Variants in LRTM1 observed in about 807,000 individuals in gnomAD.
The protein encoded by LRTM1 is leucine rich repeat transmembrane protein 1, also known as leucine-rich repeat and transmembrane domain-containing protein 1.
LRTM1 carries 38 observed loss-of-function variants against 32.4 expected under a neutral mutation model. The ratio of observed to expected loss-of-function variants is 1.17; its 90% CI spans 0.91 to 1.54. The LOEUF is 1.54. Among genes scored for constraint, LRTM1 ranks in the 40% most tolerant of loss-of-function variants. The pLI, the probability that LRTM1 is intolerant of heterozygous loss-of-function variation, is 0.00. For synonymous variants in LRTM1, 186 were observed against 169.9 expected, an observed-to-expected ratio of 1.09 and a Z score of -0.74; for missense variants, 466 against 415.4, an observed-to-expected ratio of 1.12 and a Z score of -1.06.
chr3:54,922,013 A>AT (rs1700866488), intron 2 of LRTM1, among the ~76,000 whole-genome samples: 1 of 151,894 alleles, frequency 6.6e-6, no homozygotes, highest in African/African-American at 2.4e-5. Flanking sequence ...ACATATTTGG[A>AT]TTTTTCCTAG....
intron 1 of LRTM1, among the ~76,000 whole-genome samples, chr3:54,934,544 G>A (rs778812983): frequency 6.6e-6 from 1 of 152,330 alleles, no homozygotes; most frequent in Non-Finnish European, 1.5e-5. Context: ...AATTAGTGGA[G>A]TAGTGGGTTT....
chr3:54,956,529 A>C (rs1701898183), intron 1 of LRTM1, among the ~76,000 whole-genome samples: 1 of 152,062 alleles, frequency 6.6e-6, no homozygotes, highest in African/African-American at 2.4e-5. Flanking sequence ...CTCGTTACCA[A>C]CCTAGGATTT....
At position 54,924,743 on chromosome 3, in the gene LRTM1, C is replaced by G. The variant is rs1459011910; in HGVS notation, c.480G>C (p.Gln160His). The G allele has an allele frequency of 6.2e-7, 1 of 1,614,152 alleles. No homozygotes were observed. Among genetic ancestry groups the G allele is most frequent in the Admixed American group, 1.7e-5 (1 of 60,028 alleles). Residue 160 changes from glutamine (Q) to histidine (H), a missense_variant, in exon 2 of 3, where the codon CAG becomes CAC. Gln to His is a conservative substitution (Grantham distance 24, BLOSUM62 0). Coordinates refer to ENST00000273286, the MANE Select transcript of LRTM1 (RefSeq NM_020678.4). ...TGGATTCCAGGAGCGCTCGATCAAG[C>G]TGCTGAAGCTGGTTTTGTTGAACCG... is the stretch of plus-strand genomic sequence containing the variant. ...ILAVQQNQLQQLDRALLESMP... is the reference protein window; with the variant it reads ...ILAVQQNQLQHLDRALLESMP...
At chr3:54,961,544 G>A (rs1042056254) in intron 1 of LRTM1, among the ~76,000 whole-genome samples, 10 of 152,220 alleles carry the variant, frequency 6.6e-5, no homozygotes, top group Non-Finnish European at 2.9e-5. Context: ...GCCAGTGCAA[G>A]TCAGCTCTTG....
chr3:54,957,008 G>A (rs894494939), intron 1 of LRTM1, among the ~76,000 whole-genome samples: 2 of 152,146 alleles, frequency 1.3e-5, no homozygotes, highest in African/African-American at 4.8e-5. Context: ...TATCAAGTTT[G>A]CAGGATGTTA....
chr3:54,939,874 C>A (rs9823586), intron 1 of LRTM1, among the ~76,000 whole-genome samples: 23,605 of 152,210 alleles, frequency 0.16, 2,175 homozygotes, highest in African/African-American at 0.27. Flanking sequence ...GCCATGCTTG[C>A]TTTAGAGCAT....
At chr3:54,961,471 T>G (rs921112048) in intron 1 of LRTM1, among the ~76,000 whole-genome samples, 1 of 152,260 alleles carries the variant, frequency 6.6e-6, no homozygotes, top group Non-Finnish European at 1.5e-5. Context: ...ACTACAATTT[T>G]CTACTATATT....
Position 54,925,178 on chromosome 3 carries a change from G to C in LRTM1, c.45C>G (p.Leu15=), listed in dbSNP as rs1193984844. The change falls in exon 2 of 3, where the codon CTC becomes CTG. Residue 15 remains leucine (L), a synonymous_variant. Transcript: ENST00000273286. ...LLLFSSVIVL[L]QVVCSCPDKC... ...TGTCCGGGCAGCTGCATACCACCTG[G>C]AGCAGGACAATCACACTGGAAAACA... 2 of 1,613,908 alleles carry C rather than the reference G, an allele frequency of 1.2e-6. No individual in the cohort carries two copies. Among genetic ancestry groups the C allele is most frequent in the South Asian group, 2.2e-5 (2 of 91,054 alleles).
In LRTM1 at chr3:54,918,605, T is replaced by TCCCACA. The variant is rs764372613; in HGVS notation, c.886_891dup (p.Cys296_Gly297dup). 6.2e-7 allele frequency: 1 copy of TCCCACA among 1,614,080 alleles called. No homozygotes were observed. The highest frequency in any genetic ancestry group is 1.3e-5 in the African/African-American group (1 of 75,018). On this transcript the variant is annotated inframe_insertion, in exon 3 of 3. Coordinates refer to ENST00000273286, the MANE Select transcript of LRTM1 (RefSeq NM_020678.4). ...GCTGCCAACATCATGAGACACACAA[T>TCCCACA]CCCACACACAACGCCAGTGATGATG... is the stretch of plus-strand genomic sequence containing the variant.
At chr3:54,943,495 TAGTC>T (rs1312981223) in intron 1 of LRTM1, among the ~76,000 whole-genome samples, 1 of 152,228 alleles carries the variant, frequency 6.6e-6, no homozygotes, top group Non-Finnish European at 1.5e-5. Flanking sequence ...CTTGATTAAT[TAGTC>T]AGCGAATATA....
intron 1 of LRTM1, 21 bp from the exon 2 acceptor site, chr3:54,925,236 T>C (rs1225233937): frequency 1.1e-5 from 18 of 1,590,448 alleles, no homozygotes; most frequent in Non-Finnish European, 1.5e-5. Flanking sequence ...CAGAAAGAAA[T>C]TGGGATAGGA....
At position 54,962,727 on chromosome 3, in the gene LRTM1, T is replaced by TC. The variant is rs577363921; in HGVS notation, c.-222+4200dup. Among the ~76,000 whole-genome samples the TC allele has an allele frequency of 2.1e-3, 319 of 152,292 alleles. 1 individual carries two copies. The highest frequency in any genetic ancestry group is 3.8e-3 in the Non-Finnish European group (256 of 68,036). On this transcript the variant is annotated intron_variant, in intron 1 of 2. Coordinates refer to the LRTM1 transcript ENST00000493075. Reference sequence around the variant, plus strand: ...TCACTGATGGTGGCAGGATTGTTTTTCTGCCTTTTGGATGAGCTCTCTATG... The same window carrying TC: ...TCACTGATGGTGGCAGGATTGTTTTTCCTGCCTTTTGGATGAGCTCTCTATG...
chr3:54,918,772 G>A lies in LRTM1; in HGVS notation c.725C>T (p.Ser242Leu), dbSNP rs201588903. The A allele has an allele frequency of 1.7e-5, 27 of 1,614,000 alleles. No homozygotes were observed. The highest frequency in any genetic ancestry group is 1.6e-4 in the Middle Eastern group (1 of 6,082). ...CPLPAPDPVS[S>L]QAQWPGSAHG... is the part of the protein sequence containing the mutation. Reference sequence around the variant, plus strand: ...GGCAGAGCCGGGCCACTGAGCCTGCGAGGACACTGGATCAGGAGCAGGAAG... The same window carrying A: ...GGCAGAGCCGGGCCACTGAGCCTGCAAGGACACTGGATCAGGAGCAGGAAG... The change falls in exon 3 of 3, where the codon TCG becomes TTG. Residue 242 changes from serine to leucine, a missense_variant. Ser to Leu is a moderately radical substitution (Grantham distance 145, BLOSUM62 -2). Transcript: ENST00000273286.
At chr3:54,920,155 A>G (rs1214222483) in intron 2 of LRTM1, among the ~76,000 whole-genome samples, 1 of 152,228 alleles carries the variant, frequency 6.6e-6, no homozygotes, top group African/African-American at 2.4e-5. Flanking sequence ...ATTATACCAG[A>G]AAGACATATG....
At chr3:54,942,757 G>A (rs1701505338) in intron 1 of LRTM1, among the ~76,000 whole-genome samples, 1 of 152,042 alleles carries the variant, frequency 6.6e-6, no homozygotes, top group Admixed American at 6.6e-5. Context: ...AGGCACAGTG[G>A]CTCACACCTG....
intron 1 of LRTM1, among the ~76,000 whole-genome samples, chr3:54,944,343 C>T (rs1203194450): frequency 6.6e-6 from 1 of 151,908 alleles, no homozygotes; most frequent in African/African-American, 2.4e-5. Flanking sequence ...ATATATCTTT[C>T]TACTTTTAAA....
chr3:54,964,274 T>G (rs904526653), intron 1 of LRTM1, among the ~76,000 whole-genome samples: 1 of 152,218 alleles, frequency 6.6e-6, no homozygotes, highest in African/African-American at 2.4e-5. Context: ...TCTATCCATG[T>G]GATGAAGATT....
chr3:54,947,035 T>G (rs1207629980), intron 1 of LRTM1, among the ~76,000 whole-genome samples: 2 of 152,192 alleles, frequency 1.3e-5, no homozygotes, highest in Admixed American at 1.3e-4. Flanking sequence ...ATCAATAATC[T>G]TTTCTGGAAC....
At chr3:54,942,898 C>T (rs1701511149) in intron 1 of LRTM1, among the ~76,000 whole-genome samples, 1 of 152,126 alleles carries the variant, frequency 6.6e-6, no homozygotes, top group African/African-American at 2.4e-5. Flanking sequence ...GTGGCACGTG[C>T]CTGTAGTCCC....
Sources: gnomAD v4.1 joint callset for allele counts (sites outside exome capture counted in the v4.1 genomes callset) on GRCh38, gnomAD v4.1.1 for gene constraint, MANE v1.5 for transcripts, NCBI Gene and HGNC (gene_info 2026-07-23, HGNC 2026-07-21) for gene names.